POLK: variants seen among roughly 807,000 people sequenced by gnomAD.
POLK encodes the protein DNA polymerase kappa.
POLK carries 76 observed loss-of-function variants against 94.0 expected under a neutral mutation model. That is an observed-to-expected ratio of 0.81 (90% CI 0.67 to 0.98). The LOEUF (loss-of-function observed/expected upper bound fraction) is 0.98, where lower values mean the gene tolerates loss of function less well. POLK is among the 50% of genes least tolerant of loss of function. The pLI is 0.00. For synonymous variants in POLK, 349 were observed against 325.4 expected (o/e 1.07, Z -0.78); for missense variants, 954 against 1,010.1 (o/e 0.94, Z 0.75).
chr5:75,571,572 C>T (rs1327563050), intron 4 of POLK, among the ~76,000 whole-genome samples: 6 of 152,266 alleles, frequency 3.9e-5, no homozygotes, highest in Admixed American at 6.5e-5. Context: ...TCTGGCACTT[C>T]GACTGAGGAG....
intron 3 of POLK, chr5:75,568,756 C>T: frequency 2.7e-6 from 1 of 367,896 alleles, no homozygotes; most frequent in Non-Finnish European, 5.3e-6. Flanking sequence ...TCAGTTGTAC[C>T]TTCCTGTTCA....
intron 3 of POLK, among the ~76,000 whole-genome samples, chr5:75,557,569 T>A (rs996421349): frequency 2.0e-5 from 3 of 152,230 alleles, no homozygotes; most frequent in Admixed American, 6.5e-5. Flanking sequence ...TAAGTCCAGA[T>A]ATTCCCTGAC....
chr5:75,519,104 G>A (rs1319829478), intron 1 of POLK, among the ~76,000 whole-genome samples: 1 of 152,170 alleles, frequency 6.6e-6, no homozygotes, highest in Non-Finnish European at 1.5e-5. Flanking sequence ...GGGATGATAG[G>A]CATGAGCCAC....
rs1162469858 is a variant in POLK, at chr5:75,553,663, T to C, written c.255+1072T>C. Among the ~76,000 whole-genome samples the C allele has an allele frequency of 2.0e-5, 3 of 152,206 alleles. No homozygotes were observed. The East Asian group carries it at 5.8e-4, about 29-fold the overall frequency. ...TATTTCATACGCAACCCTGTGATTA[T>C]CATTCTTATCTTTGTACTCTAGTGC... is the stretch of plus-strand genomic sequence containing the variant. On this transcript the variant is annotated intron_variant, in intron 3 of 14. Coordinates refer to ENST00000241436, the Ensembl canonical transcript of POLK.
At chr5:75,513,646 T>C (rs537350419) in intron 1 of POLK, among the ~76,000 whole-genome samples, 4 of 152,306 alleles carry the variant, frequency 2.6e-5, no homozygotes, top group African/African-American at 9.6e-5. Flanking sequence ...AAATTGAAAA[T>C]GTATTCCCAT....
chr5:75,574,186 A>AT (rs1297112262), intron 5 of POLK, among the ~76,000 whole-genome samples: 2 of 152,092 alleles, frequency 1.3e-5, no homozygotes, highest in African/African-American at 4.8e-5. Context: ...TACAATATAC[A>AT]TTTTTTCTAG....
intron 6 of POLK, among the ~76,000 whole-genome samples, chr5:75,577,520 G>A (rs552643737): frequency 2.0e-5 from 3 of 152,148 alleles, no homozygotes; most frequent in Admixed American, 2.0e-4. Context: ...CAAGAAACAT[G>A]CAGATATTAC....
intron 12 of POLK, 56 bp from the exon 13 acceptor site, chr5:75,596,166 T>C: frequency 1.1e-6 from 1 of 946,098 alleles, no homozygotes; most frequent in Non-Finnish European, 1.6e-6. Flanking sequence ...TTTTTATGCA[T>C]TGTGAGTGAA....
exon 15 of POLK, chr5:75,597,988 C>G: frequency 2.1e-6 from 3 of 1,432,456 alleles, no homozygotes; most frequent in Non-Finnish European, 2.9e-6. Context: ...CAAACAATCC[C>G]AAACATACCC....
exon 1 of POLK, chr5:75,511,829 T>A (rs533354077): frequency 1.4e-5 from 21 of 1,550,700 alleles, no homozygotes; most frequent in Non-Finnish European, 1.7e-6. Flanking sequence ...GGGGTAGGGA[T>A]GCAGCTGTGC....
At chr5:75,568,284 A>G (rs1771388333) in intron 3 of POLK, among the ~76,000 whole-genome samples, 1 of 152,158 alleles carries the variant, frequency 6.6e-6, no homozygotes, top group Non-Finnish European at 1.5e-5. Flanking sequence ...TATATTTTCC[A>G]GCTTATTTAA....
chr5:75,587,175 C>T lies in POLK; in HGVS notation c.1259+117C>T, dbSNP rs1581088363. The T allele has an allele frequency of 6.3e-6, 4 of 633,724 alleles. No homozygotes were observed. In the East Asian group the frequency reaches 1.2e-4, roughly 19 times the overall value. 39.3% of individuals were successfully genotyped at this position (633,724 alleles called of 1,614,324 possible). A position where few individuals can be genotyped will look rare whatever the true frequency, so the allele number is the denominator to read the frequency against. ...GAAATCTATTTGCAAATTACTATAA[C>T]AGTTTTTAGTAGTTTACACTCCCTG... On this transcript the variant is annotated intron_variant, in intron 10 of 14. Coordinates refer to ENST00000241436, the Ensembl canonical transcript of POLK.
intron 3 of POLK, among the ~76,000 whole-genome samples, chr5:75,558,987 G>T (rs1470533689): frequency 6.6e-6 from 1 of 152,054 alleles, no homozygotes; most frequent in Non-Finnish European, 1.5e-5. Context: ...TTCCAGTTTT[G>T]GTTGACTATT....
intron 1 of POLK, among the ~76,000 whole-genome samples, chr5:75,516,153 A>G (rs1768312084): frequency 6.6e-6 from 1 of 152,086 alleles, no homozygotes; most frequent in South Asian, 2.1e-4. Context: ...GTTTGCAGAC[A>G]TTTTCTCCTG....
In POLK at chr5:75,592,940, C is replaced by T. The variant is rs567622778; in HGVS notation, c.1357-938C>T. On this transcript the variant is annotated intron_variant, in intron 11 of 14. Transcript: ENST00000241436. ...GCATGGTGGCACGAGTGTGTAGTCC[C>T]AGCTACTTGGGAGGCTGAGGTAGGA... Among the ~76,000 whole-genome samples, 43 of 151,842 alleles carry T rather than the reference C, an allele frequency of 2.8e-4. 1 individual carries two copies. Among genetic ancestry groups the T allele is most frequent in the African/African-American group, 9.9e-4 (41 of 41,392 alleles).
At chr5:75,580,522 G>A (rs1030868660) in intron 6 of POLK, 85 of 578,658 alleles carry the variant, frequency 1.5e-4, no homozygotes, top group Non-Finnish European at 1.8e-4. Context: ...TAATAATAAC[G>A]TCTCTTTTTC....
At chr5:75,527,185 C>G (rs932452158) in intron 1 of POLK, among the ~76,000 whole-genome samples, 4 of 151,928 alleles carry the variant, frequency 2.6e-5, no homozygotes, top group Non-Finnish European at 5.9e-5. Flanking sequence ...ATTATATAAT[C>G]AAACTTTTTT....
intron 3 of POLK, among the ~76,000 whole-genome samples, chr5:75,566,420 A>T (rs1013529710): frequency 2.0e-5 from 3 of 152,198 alleles, no homozygotes; most frequent in Non-Finnish European, 4.4e-5. Context: ...TATGAAAAAA[A>T]ACTCCTGCAG....
chr5:75,538,143 A>G (rs553106629), intron 1 of POLK, among the ~76,000 whole-genome samples: 9 of 152,346 alleles, frequency 5.9e-5, no homozygotes, highest in Non-Finnish European at 1.3e-4. Flanking sequence ...GGCTTGAGCC[A>G]CCAGGCCCAG....
Sources: allele counts gnomAD v4.1 joint callset (sites outside exome capture counted in the v4.1 genomes callset), GRCh38; gene constraint gnomAD v4.1.1; transcripts MANE v1.5; gene names NCBI Gene and HGNC (gene_info 2026-07-23, HGNC 2026-07-21).